Variants in HIGD2B observed in about 807,000 individuals in gnomAD.
HIGD2B encodes the protein HIG1 hypoxia inducible domain family member 2B.
For missense variants in HIGD2B, 106 were observed against 67.0 expected (o/e 1.58, Z -2.03); for synonymous variants, 45 against 28.1 (o/e 1.60, Z -1.90).
chr15:72,678,626 C>T (rs1013913774), intron 2 of HIGD2B, among the ~76,000 whole-genome samples: 12 of 152,064 alleles, frequency 7.9e-5, no homozygotes, highest in South Asian at 2.1e-4. Flanking sequence ...TTTCAACAGA[C>T]GGAGCTCACT....
intron 2 of HIGD2B, among the ~76,000 whole-genome samples, chr15:72,678,387 C>G (rs1279363973): frequency 6.6e-6 from 1 of 152,066 alleles, no homozygotes; most frequent in Non-Finnish European, 1.5e-5. Context: ...TCTTGACGTC[C>G]TGGGCTCAAG....
At chr15:72,677,777 A>AC (rs990124001) in intron 2 of HIGD2B, among the ~76,000 whole-genome samples, 3 of 151,870 alleles carry the variant, frequency 2.0e-5, no homozygotes, top group African/African-American at 7.2e-5. Context: ...AATTAAAAAA[A>AC]AATAAAATAA....
chr15:72,685,067 C>T (rs1396771575), intron 1 of HIGD2B, among the ~76,000 whole-genome samples: 1 of 152,178 alleles, frequency 6.6e-6, no homozygotes, highest in Non-Finnish European at 1.5e-5. Flanking sequence ...CCAACAGTCT[C>T]ATGGGATTGT....
intron 1 of HIGD2B, among the ~76,000 whole-genome samples, chr15:72,680,688 A>T (rs1163783271): frequency 6.6e-6 from 1 of 152,138 alleles, no homozygotes; most frequent in Non-Finnish European, 1.5e-5. Context: ...GGAGTTCAAG[A>T]CCAGCCAGGC....
chr15:72,680,440 T>G (rs2064736923), intron 1 of HIGD2B, among the ~76,000 whole-genome samples: 1 of 152,208 alleles, frequency 6.6e-6, no homozygotes, highest in African/African-American at 2.4e-5. Flanking sequence ...AAATTATCTT[T>G]CATAACTTTT....
chr15:72,676,605 C>T (rs1227673500), intron 2 of HIGD2B, among the ~76,000 whole-genome samples: 6 of 151,914 alleles, frequency 3.9e-5, no homozygotes, highest in African/African-American at 1.2e-4. Flanking sequence ...TTAGTAGAGA[C>T]GGGGTTTCAC....
chr15:72,676,370 G>A lies in HIGD2B; in HGVS notation c.5C>T (p.Ala2Val), dbSNP rs934082859. M[A>V]TLGFVTPEAP... is the part of the protein sequence containing the mutation. ...CTCCGGAGTCACAAAGCCGAGAGTCGCCATGCCTAGGCCACAGCTGCAGGA... is the reference window on the plus strand; with the variant it reads ...CTCCGGAGTCACAAAGCCGAGAGTCACCATGCCTAGGCCACAGCTGCAGGA... The change falls in exon 3 of 3, where the codon GCG (alanine) becomes GTG (valine). Residue 2 changes from alanine to valine, a missense_variant. Transcript: ENST00000311755. The A allele has an allele frequency of 1.1e-5, 8 of 753,224 alleles. No homozygotes were observed. Among genetic ancestry groups the A allele is most frequent in the African/African-American group, 5.1e-5 (3 of 58,460 alleles). 46.7% of individuals were successfully genotyped at this position (753,224 alleles called of 1,614,324 possible). A position where few individuals can be genotyped will look rare whatever the true frequency, so the allele number is the denominator to read the frequency against.
chr15:72,679,939 G>A (rs2064731140), intron 2 of HIGD2B, 76 bp downstream of exon 2: 1 of 209,366 alleles, frequency 4.8e-6, no homozygotes, highest in Non-Finnish European at 1.0e-5. Context: ...GCAAGTGAGG[G>A]GTGGAAGGAG....
intron 1 of HIGD2B, among the ~76,000 whole-genome samples, chr15:72,685,359 G>C (rs1255116166): frequency 6.6e-6 from 1 of 152,010 alleles, no homozygotes. Context: ...GGGATCCTCC[G>C]TTTTGTTCAT....
rs1331477252 is a variant in HIGD2B at position 72,676,383 on chromosome 15, C to T, written c.-9G>A. The T allele has an allele frequency of 1.4e-6, 1 of 728,422 alleles. No homozygotes were observed. The highest frequency in any genetic ancestry group is 2.5e-6 in the Non-Finnish European group (1 of 402,462). The allele number at this position is 728,422 out of a possible 1,614,324, so 45.1% of individuals were successfully genotyped here. Reference sequence around the variant, plus strand: ...AAGCCGAGAGTCGCCATGCCTAGGCCACAGCTGCAGGAGAAAATCCTTTGT... The same window carrying T: ...AAGCCGAGAGTCGCCATGCCTAGGCTACAGCTGCAGGAGAAAATCCTTTGT... On this transcript the variant is annotated 5_prime_UTR_variant, in exon 3 of 3. Transcript: ENST00000311755.
At chr15:72,685,382 G>A (rs2064807462) in intron 1 of HIGD2B, among the ~76,000 whole-genome samples, 1 of 152,110 alleles carries the variant, frequency 6.6e-6, no homozygotes, top group African/African-American at 2.4e-5. Flanking sequence ...CACAGCTCCC[G>A]GCACTTTAAT....
chr15:72,684,735 C>T (rs1321807938), intron 1 of HIGD2B, among the ~76,000 whole-genome samples: 2 of 152,072 alleles, frequency 1.3e-5, no homozygotes, highest in African/African-American at 4.8e-5. Context: ...GTGATCTGCC[C>T]ACCTCAGCCT....
At chr15:72,677,630 T>C (rs1485753818) in intron 2 of HIGD2B, among the ~76,000 whole-genome samples, 2 of 151,366 alleles carry the variant, frequency 1.3e-5, no homozygotes, top group African/African-American at 2.4e-5. Context: ...GGCATGGTAA[T>C]GCATGCCTGT....
chr15:72,677,536 A>C (rs1302899679), intron 2 of HIGD2B, among the ~76,000 whole-genome samples: 1 of 151,976 alleles, frequency 6.6e-6, no homozygotes, highest in Non-Finnish European at 1.5e-5. Flanking sequence ...CTGAGGCAAG[A>C]GGATCACTTG....
Position 72,684,344 on chromosome 15 carries a change from T to C in HIGD2B, c.-193+1474A>G, listed in dbSNP as rs143951835. On this transcript the variant is annotated intron_variant, in intron 1 of 2. Coordinates refer to ENST00000311755, the MANE Select transcript of HIGD2B (RefSeq NM_001350932.3). ...AAAGACATTTATGGCCTATGCCCTATGGACAGAATATTACCTGTTATAGCT... is the reference window on the plus strand; with the variant it reads ...AAAGACATTTATGGCCTATGCCCTACGGACAGAATATTACCTGTTATAGCT... 3.5e-3 allele frequency among the ~76,000 whole-genome samples: 524 copies of C among 151,058 alleles called. 4 individuals carry two copies. The highest frequency in any genetic ancestry group is 6.3e-3 in the Admixed American group (96 of 15,156).
rs1396343920 is a variant in HIGD2B, at chr15:72,686,086, C to T, written c.-461G>A. 1 of 872,216 alleles carries T rather than the reference C, an allele frequency of 1.1e-6. No homozygotes were observed. Among genetic ancestry groups the T allele is most frequent in the Non-Finnish European group, 1.8e-6 (1 of 544,378 alleles). 54.0% of individuals were successfully genotyped at this position (872,216 alleles called of 1,614,324 possible). A position where few individuals can be genotyped will look rare whatever the true frequency, so the allele number is the denominator to read the frequency against. On this transcript the variant is annotated 5_prime_UTR_variant, in exon 1 of 3. Transcript: ENST00000311755. ...GCCTTCTGTGGAGCAGACCCTAATCCTCCCCCTGATTCCTTAGGTCACTCG... is the reference window on the plus strand; with the variant it reads ...GCCTTCTGTGGAGCAGACCCTAATCTTCCCCCTGATTCCTTAGGTCACTCG...
chr15:72,681,507 A>G (rs2064749221), intron 1 of HIGD2B, among the ~76,000 whole-genome samples: 2 of 152,096 alleles, frequency 1.3e-5, no homozygotes, highest in South Asian at 4.1e-4. Flanking sequence ...TAGGGAACAT[A>G]TAAGCTAAAT....
intron 1 of HIGD2B, chr15:72,682,873 C>T (rs2150979080): frequency 7.8e-6 from 2 of 255,638 alleles, no homozygotes; most frequent in Non-Finnish European, 1.6e-5. Flanking sequence ...TTCTGTTAAT[C>T]CCTTGAGGAA....
chr15:72,682,671 G>A (rs1194235504), intron 1 of HIGD2B: 1 of 153,824 alleles, frequency 6.5e-6, no homozygotes, highest in African/African-American at 2.4e-5. Context: ...ACTCCAGCCT[G>A]GGTGATAGAG....
Sources: allele counts gnomAD v4.1 joint callset (sites outside exome capture counted in the v4.1 genomes callset), GRCh38; gene constraint gnomAD v4.1.1; transcripts MANE v1.5; gene names NCBI Gene and HGNC (gene_info 2026-07-23, HGNC 2026-07-21).